The following PKHD1 variants were observed in gnomAD, a reference collection of about 807,000 sequenced individuals.
PKHD1 encodes PKHD1 ciliary IPT domain containing fibrocystin/polyductin, also known as fibrocystin.
A neutral mutation model predicts 412.0 loss-of-function variants in PKHD1; 291 were observed. That is an observed-to-expected ratio of 0.71 (90% confidence interval 0.64 to 0.78). The LOEUF is 0.78. Among genes scored for constraint, PKHD1 ranks in the 30% least tolerant of loss-of-function variants. The pLI is 0.00. For synonymous variants in PKHD1, 1,777 were observed against 1,821.5 expected (o/e 0.98, Z 0.62); for missense variants, 4,825 against 4,950.7 (o/e 0.97, Z 0.76).
chr6:51,831,233 T>C (rs975543075), intron 51 of PKHD1, among the ~76,000 whole-genome samples: 6 of 152,204 alleles, frequency 3.9e-5, no homozygotes, highest in Non-Finnish European at 1.5e-5. Flanking sequence ...ATAATAAATA[T>C]GGCATGCTTA....
At chr6:51,848,442 C>T (rs1231660275) in intron 49 of PKHD1, among the ~76,000 whole-genome samples, 2 of 152,174 alleles carry the variant, frequency 1.3e-5, no homozygotes, top group African/African-American at 4.8e-5. Context: ...ACTATTCAGT[C>T]CTCGAAAGGC....
Position 51,748,509 on chromosome 6 carries a change from A to T in PKHD1, c.9107T>A (p.Val3036Glu). ...GGIHAAASHGVLLNDNIVFGT... is the reference protein window; with the variant it reads ...GGIHAAASHGELLNDNIVFGT... ...AAACACAATATTGTCATTTAAAAGT[A>T]CTCCATGACTGGCAGCTGCATGAAT... Residue 3036 changes from valine to glutamate, a missense_variant, in exon 58 of 67, where the codon GTA (valine) becomes GAA (glutamate). Val to Glu is a moderately radical substitution (Grantham distance 121). Coordinates refer to ENST00000371117, the MANE Select transcript of PKHD1 (RefSeq NM_138694.4). 6.2e-7 allele frequency: 1 copy of T among 1,613,788 alleles called. No individual in the cohort carries two copies.
intron 36 of PKHD1, among the ~76,000 whole-genome samples, chr6:51,945,037 CT>C (rs1465916278): frequency 6.6e-6 from 1 of 152,216 alleles, no homozygotes; most frequent in Non-Finnish European, 1.5e-5. Flanking sequence ...ACAATTTTGA[CT>C]TTTTTCCTTT....
chr6:51,959,500 G>A (rs1398395960), intron 36 of PKHD1, among the ~76,000 whole-genome samples: 1 of 152,086 alleles, frequency 6.6e-6, no homozygotes, highest in East Asian at 1.9e-4. Flanking sequence ...TGGCTTTCTT[G>A]GCAGGGTATT....
chr6:51,680,161 A>G (rs974175385), intron 60 of PKHD1, among the ~76,000 whole-genome samples: 1 of 151,998 alleles, frequency 6.6e-6, no homozygotes, highest in Non-Finnish European at 1.5e-5. Context: ...CCAAACAGAG[A>G]GATTTGGAAA....
At chr6:51,944,419 G>T (rs187801441) in intron 36 of PKHD1, among the ~76,000 whole-genome samples, 1 of 152,190 alleles carries the variant, frequency 6.6e-6, no homozygotes, top group Admixed American at 6.5e-5. Flanking sequence ...TCGCATGGAT[G>T]CGAGTGAAAA....
chr6:51,839,663 T>C (rs1769830097), intron 50 of PKHD1, among the ~76,000 whole-genome samples: 1 of 152,218 alleles, frequency 6.6e-6, no homozygotes, highest in South Asian at 2.1e-4. Flanking sequence ...TAACCAGGTC[T>C]AATTCTCTCT....
rs539546758 is a variant in PKHD1 at position 51,941,236 on chromosome 6, C to CTTTTTTTT, written c.5909-6922_5909-6915dup. ...TATCACTCACCTGTTACAGCATGGC[C>CTTTTTTTT]TTTTTTTTTTTTTTTTTTTTTTTTT... On this transcript the variant is annotated intron_variant, in intron 36 of 66. Transcript: ENST00000371117. 7.9e-5 allele frequency among the ~76,000 whole-genome samples: 5 copies of CTTTTTTTT among 63,018 alleles called. 1 individual carries two copies. Among genetic ancestry groups the CTTTTTTTT allele is most frequent in the Non-Finnish European group, 1.4e-4 (5 of 35,928 alleles). 41.3% of individuals were successfully genotyped at this position (63,018 alleles called of 152,430 possible).
intron 35 of PKHD1, among the ~76,000 whole-genome samples, chr6:51,966,781 T>C (rs1792873297): frequency 6.6e-6 from 1 of 152,072 alleles, no homozygotes; most frequent in Admixed American, 6.6e-5. Context: ...GTTAAATATA[T>C]AAAACTAATA....
chr6:51,739,953 G>C (rs750620603), intron 60 of PKHD1: 1 of 518,584 alleles, frequency 1.9e-6, no homozygotes. Flanking sequence ...TTTGGAGCCA[G>C]AATGGAAAGC....
At chr6:51,832,911 A>G (rs75467606) in intron 51 of PKHD1, among the ~76,000 whole-genome samples, 8,199 of 152,234 alleles carry the variant, frequency 0.054, 232 homozygotes, top group South Asian at 0.074. Flanking sequence ...AATATACCAC[A>G]CACCTTGGGA....
chr6:51,747,089 G>A (rs940051606), intron 58 of PKHD1, among the ~76,000 whole-genome samples, 200 bp from the exon 59 acceptor site: 2 of 152,156 alleles, frequency 1.3e-5, no homozygotes, highest in African/African-American at 4.8e-5. Context: ...ATGCAACAGA[G>A]AAGAGTATTT....
chr6:52,051,006 A>C (rs1806755708), intron 21 of PKHD1, among the ~76,000 whole-genome samples: 1 of 152,208 alleles, frequency 6.6e-6, no homozygotes, highest in Non-Finnish European at 1.5e-5. Flanking sequence ...GATTGGTTAC[A>C]ATGGAGACTT....
At chr6:51,966,693 T>C (rs1018430638) in intron 35 of PKHD1, among the ~76,000 whole-genome samples, 1 of 152,094 alleles carries the variant, frequency 6.6e-6, no homozygotes, top group Non-Finnish European at 1.5e-5. Flanking sequence ...TCAACAAATG[T>C]TTATTGAGCA....
intron 57 of PKHD1, among the ~76,000 whole-genome samples, chr6:51,752,214 G>A: frequency 6.6e-6 from 1 of 152,130 alleles, no homozygotes; most frequent in East Asian, 1.9e-4. Flanking sequence ...ATCATCTAGA[G>A]CAGGGTTCTC....
intron 60 of PKHD1, among the ~76,000 whole-genome samples, chr6:51,670,755 T>G (rs1004704746): frequency 2.0e-5 from 3 of 152,028 alleles, no homozygotes; most frequent in Non-Finnish European, 2.9e-5. Context: ...GGTAACAAAA[T>G]CTCTCAGCAT....
Position 51,659,145 on chromosome 6 carries a change from C to T in PKHD1, c.10981G>A (p.Val3661Met). ...GAATCACCAATTTCAATGACAATCACTTTTGAGATAGTTTCCACAGTCATT... is the reference window on the plus strand; with the variant it reads ...GAATCACCAATTTCAATGACAATCATTTTTGAGATAGTTTCCACAGTCATT... ...PPMTVETISK[V>M]IVIEIGDSPT... is the part of the protein sequence containing the mutation. Residue 3661 changes from valine to methionine, a missense_variant, in exon 61 of 67, where the codon GTG (valine) becomes ATG (methionine). Transcript: ENST00000371117. 6.2e-7 allele frequency: 1 copy of T among 1,613,820 alleles called. No individual in the cohort carries two copies. The highest frequency in any genetic ancestry group is 1.7e-5 in the Admixed American group (1 of 59,926).
chr6:51,907,197 A>G (rs1782237224), intron 40 of PKHD1, among the ~76,000 whole-genome samples: 1 of 152,180 alleles, frequency 6.6e-6, no homozygotes, highest in Non-Finnish European at 1.5e-5. Context: ...GGAGCTTTGT[A>G]TTATTACTAG....
chr6:52,046,925 A>T (rs1805937498), intron 23 of PKHD1, among the ~76,000 whole-genome samples: 1 of 152,260 alleles, frequency 6.6e-6, no homozygotes, highest in Non-Finnish European at 1.5e-5. Context: ...TTACATGAAA[A>T]CACAGGTTGC....
Sources: allele counts gnomAD v4.1 joint callset (sites outside exome capture counted in the v4.1 genomes callset), GRCh38; gene constraint gnomAD v4.1.1; transcripts MANE v1.5; gene names NCBI Gene and HGNC (gene_info 2026-07-23, HGNC 2026-07-21).